The following ARHGEF12 variants were observed in gnomAD, a reference collection of about 807,000 sequenced individuals.
ARHGEF12 encodes the protein Rho guanine nucleotide exchange factor 12.
In ARHGEF12, 66 loss-of-function variants were observed where a neutral mutation model predicts 211.2. The observed-to-expected ratio is 0.31, with a 90% CI of 0.26 to 0.38. The LOEUF is 0.38. ARHGEF12 is among the 10% of genes least tolerant of loss of function. The pLI is 1.00. For synonymous variants in ARHGEF12, 592 were observed against 638.4 expected (o/e 0.93, Z 1.09); for missense variants, 1,429 against 1,869.5 (o/e 0.76, Z 4.34).
rs923489920 is a variant in ARHGEF12 at position 120,486,861 on chromosome 11, C to G, written c.*1784C>G. On this transcript the variant is annotated 3_prime_UTR_variant, in exon 41 of 41. Coordinates refer to ENST00000397843, the MANE Select transcript of ARHGEF12 (RefSeq NM_015313.3). ...AGGTGGATCAACTTGGATCTTTAGA[C>G]CTCATCTATAAATTGAAATTATATT... 1 of 213,448 alleles carries G rather than the reference C, an allele frequency of 4.7e-6. No individual in the cohort carries two copies. The highest frequency in any genetic ancestry group is 1.9e-4 in the South Asian group (1 of 5,344). 13.2% of individuals were successfully genotyped at this position (213,448 alleles called of 1,614,324 possible).
At chr11:120,342,835 A>G (rs1383404752) in intron 1 of ARHGEF12, among the ~76,000 whole-genome samples, 1 of 152,230 alleles carries the variant, frequency 6.6e-6, no homozygotes. Flanking sequence ...ATTCTATGAC[A>G]AAAGGGTAGG....
chr11:120,477,109 T>C lies in ARHGEF12; in HGVS notation c.3366-110T>C, dbSNP rs1947055830. 5.6e-6 allele frequency: 4 copies of C among 712,716 alleles called. No homozygotes were observed. The Admixed American group carries it at 7.3e-5, about 13-fold the overall frequency. The allele number at this position is 712,716 out of a possible 1,614,324, so 44.1% of individuals were successfully genotyped here. A position where few individuals can be genotyped will look rare whatever the true frequency, so the allele number is the denominator to read the frequency against. Reference sequence around the variant, plus strand: ...GTTGTTGTTGTTGTTGTTGTTGTTGTTGTTGTTGTTGGTTGATTTGGTTTT... The same window carrying C: ...GTTGTTGTTGTTGTTGTTGTTGTTGCTGTTGTTGTTGGTTGATTTGGTTTT... On this transcript the variant is annotated intron_variant, in intron 34 of 40. Coordinates refer to ENST00000397843, the MANE Select transcript of ARHGEF12 (RefSeq NM_015313.3).
intron 22 of ARHGEF12, among the ~76,000 whole-genome samples, chr11:120,453,709 C>A (rs1178320246): frequency 6.6e-6 from 1 of 152,158 alleles, no homozygotes; most frequent in East Asian, 1.9e-4. Flanking sequence ...CAGAATGAGA[C>A]CCTATCTCAA....
intron 27 of ARHGEF12, among the ~76,000 whole-genome samples, chr11:120,461,496 G>A (rs994249655): frequency 3.9e-5 from 6 of 152,104 alleles, no homozygotes; most frequent in African/African-American, 1.4e-4. Flanking sequence ...AGTAGATTTA[G>A]CATTATTCTT....
chr11:120,443,816 T>A (rs1356778276), intron 15 of ARHGEF12, among the ~76,000 whole-genome samples: 1 of 152,218 alleles, frequency 6.6e-6, no homozygotes, highest in African/African-American at 2.4e-5. Flanking sequence ...ATGAAACAAT[T>A]TTTTAAAAAT....
Position 120,459,310 on chromosome 11 carries a change from T to G in ARHGEF12, c.2517T>G (p.Leu839=), listed in dbSNP as rs2305009. The G allele has an allele frequency of 0.011, 18,431 of 1,612,840 alleles. 1,243 individuals are homozygous for G. The South Asian group carries it at 0.14, about 13-fold the overall frequency. The change falls in exon 26 of 41, where the codon CTT becomes CTG. Residue 839 remains leucine (L), a synonymous_variant. Transcript: ENST00000397843. ...RKIFSNLEDI[L]QLHIGLNEQM... is the part of the protein sequence containing the mutation. ...TTTTTTCAAACTTGGAAGATATTCTTCAACTTCATAGTAAGAGAAATTAGC... is the reference window on the plus strand; with the variant it reads ...TTTTTTCAAACTTGGAAGATATTCTGCAACTTCATAGTAAGAGAAATTAGC...
Position 120,409,033 on chromosome 11 carries a change from T to C in ARHGEF12, c.143-361T>C, listed in dbSNP as rs367774960. 5.8e-3 allele frequency: 1,135 copies of C among 195,798 alleles called. 86 individuals carry two copies. In the South Asian group the frequency reaches 0.12, roughly 21 times the overall value. 12.1% of individuals were successfully genotyped at this position (195,798 alleles called of 1,614,324 possible). ...TTATTTTGTATCTACATCTGTGCTG[T>C]GCCCATCTCCAAAGACAGATTTAAG... On this transcript the variant is annotated intron_variant, in intron 3 of 40. Transcript: ENST00000397843.
intron 1 of ARHGEF12, among the ~76,000 whole-genome samples, chr11:120,398,783 A>G (rs898938738): frequency 7.9e-5 from 12 of 152,354 alleles, no homozygotes; most frequent in Middle Eastern, 3.4e-3. Flanking sequence ...CTATTAATGC[A>G]GAAGGTGTTA....
At chr11:120,420,095 T>G (rs545343020) in intron 4 of ARHGEF12, among the ~76,000 whole-genome samples, 2 of 152,372 alleles carry the variant, frequency 1.3e-5, no homozygotes, top group South Asian at 4.1e-4. Flanking sequence ...ATGAAAGAGA[T>G]GAAGGAACTG....
Position 120,449,203 on chromosome 11 carries a change from A to T in ARHGEF12, c.1832A>T (p.Asp611Val). The change falls in exon 21 of 41, where the codon GAC (aspartate) becomes GTC (valine). Residue 611 changes from aspartate to valine, a missense_variant. Physicochemically the swap from Asp to Val is radical, Grantham distance 152. Coordinates refer to ENST00000397843, the MANE Select transcript of ARHGEF12 (RefSeq NM_015313.3). The part of the protein sequence containing the change: ...LGPPRRPSRH[D>V]NSAIGRAMEL... The stretch of plus-strand genomic sequence containing the variant: ...CCCCCACGGAGACCAAGCCGTCATG[A>T]CAACAGTGCAAGTATGTTGAAGTTT... 1 of 1,614,062 alleles carries T rather than the reference A, an allele frequency of 6.2e-7. No homozygotes were observed.
intron 1 of ARHGEF12, among the ~76,000 whole-genome samples, chr11:120,371,164 C>T (rs965437294): frequency 1.3e-5 from 2 of 152,080 alleles, no homozygotes; most frequent in African/African-American, 4.8e-5. Context: ...TGCCAATTTC[C>T]CCCAACTAAA....
intron 1 of ARHGEF12, chr11:120,385,361 A>G (rs1242386588): frequency 1.0e-6 from 1 of 985,388 alleles, no homozygotes. Context: ...TGTCGAATGT[A>G]TATATAAAGA....
chr11:120,377,210 G>A (rs1367313138), intron 1 of ARHGEF12, among the ~76,000 whole-genome samples: 1 of 152,138 alleles, frequency 6.6e-6, no homozygotes, highest in Non-Finnish European at 1.5e-5. Flanking sequence ...ACCACAACCA[G>A]CATAGTTAAG....
chr11:120,466,001 G>A (rs989934655), intron 28 of ARHGEF12, among the ~76,000 whole-genome samples: 2 of 152,186 alleles, frequency 1.3e-5, no homozygotes, highest in African/African-American at 4.8e-5. Flanking sequence ...CACACTCATT[G>A]GGGTATATGA....
rs2135824829 is a variant in ARHGEF12 at position 120,448,260 on chromosome 11, T to C, written c.1649T>C (p.Met550Thr). The change falls in exon 20 of 41, where the codon ATG becomes ACG. Residue 550 changes from methionine to threonine, a missense_variant. This residue lies in a region of ARHGEF12 where 373 missense variants were observed against 467.5 expected (regional missense o/e 0.80). Transcript: ENST00000397843. ...TCCACCATGCAGTATGTTATTCTCA[T>C]GTATATGAAGCATTTGGGAGTAAAA... is the stretch of plus-strand genomic sequence containing the variant. ...KSSTMQYVIL[M>T]YMKHLGVKVK... 6.2e-7 allele frequency: 1 copy of C among 1,614,042 alleles called. No individual in the cohort carries two copies. Among genetic ancestry groups the C allele is most frequent in the Non-Finnish European group, 8.5e-7 (1 of 1,179,902 alleles).
chr11:120,421,079 T>C (rs1386722253), intron 5 of ARHGEF12, among the ~76,000 whole-genome samples: 1 of 152,248 alleles, frequency 6.6e-6, no homozygotes, highest in Non-Finnish European at 1.5e-5. Context: ...TTAGAAATCA[T>C]GTGACTCCTT....
intron 32 of ARHGEF12, 92 bp downstream of exon 32, chr11:120,474,727 A>G: frequency 6.3e-6 from 6 of 953,124 alleles, no homozygotes; most frequent in Non-Finnish European, 9.6e-6. Flanking sequence ...GGAGAGAACC[A>G]TTCTCTCAGC....
intron 30 of ARHGEF12, among the ~76,000 whole-genome samples, chr11:120,470,434 A>G (rs1024767820): frequency 6.6e-6 from 1 of 152,224 alleles, no homozygotes. Flanking sequence ...ATTTGGATGG[A>G]CAGGATGAGT....
intron 22 of ARHGEF12, 47 bp from the exon 23 acceptor site, chr11:120,457,071 C>T: frequency 2.5e-6 from 4 of 1,584,152 alleles, no homozygotes; most frequent in South Asian, 1.2e-5. Flanking sequence ...TGACCAGTGA[C>T]TTTATTAAGT....
Sources: allele counts gnomAD v4.1 joint callset (sites outside exome capture counted in the v4.1 genomes callset), GRCh38; gene constraint gnomAD v4.1.1; regional missense constraint gnomAD v4.1.1; transcripts MANE v1.5; gene names NCBI Gene and HGNC (gene_info 2026-07-23, HGNC 2026-07-21).